OXSR1: variants seen among roughly 807,000 people sequenced by gnomAD.
OXSR1 encodes the protein oxidative stress responsive kinase 1, also known as serine/threonine-protein kinase OSR1.
A neutral mutation model predicts 79.8 loss-of-function variants in OXSR1; 24 were observed. The ratio of observed to expected loss-of-function variants is 0.30; its 90% CI spans 0.22 to 0.42. The LOEUF is 0.42. Among genes scored for constraint, OXSR1 ranks in the 10% least tolerant of loss-of-function variants. The pLI is 1.00. For missense variants in OXSR1, 430 were observed against 618.4 expected (o/e 0.70, Z 3.23); for synonymous variants, 226 against 209.2 (o/e 1.08, Z -0.69).
chr3:38,244,682 A>C (rs1277275433), intron 12 of OXSR1, among the ~76,000 whole-genome samples: 2 of 34,672 alleles, frequency 5.8e-5, no homozygotes, highest in Non-Finnish European at 1.4e-4. Context: ...CGCATGTACC[A>C]CATTTTATTC....
intron 1 of OXSR1, among the ~76,000 whole-genome samples, chr3:38,175,332 G>A (rs1005037538): frequency 6.6e-6 from 1 of 152,018 alleles, no homozygotes; most frequent in Non-Finnish European, 1.5e-5. Flanking sequence ...TTGAGGTGGG[G>A]TCTCGCTCTG....
chr3:38,234,119 A>C (rs764436956), intron 10 of OXSR1, among the ~76,000 whole-genome samples: 1 of 152,198 alleles, frequency 6.6e-6, no homozygotes, highest in Admixed American at 6.5e-5. Flanking sequence ...TTGTTGACCT[A>C]AATATAAGAG....
intron 15 of OXSR1, 53 bp downstream of exon 15, chr3:38,250,071 G>A: frequency 8.6e-7 from 1 of 1,163,374 alleles, no homozygotes; most frequent in South Asian, 1.3e-5. Context: ...GTGATTCAAT[G>A]AAATGTGTTG....
chr3:38,235,989 G>A (rs1487899790), intron 10 of OXSR1, among the ~76,000 whole-genome samples: 4 of 152,140 alleles, frequency 2.6e-5, no homozygotes, highest in East Asian at 1.9e-4. Flanking sequence ...CAGATCAGGA[G>A]GTTCTGGTGA....
chr3:38,195,166 G>A (rs186901863), intron 3 of OXSR1, among the ~76,000 whole-genome samples: 2 of 152,220 alleles, frequency 1.3e-5, no homozygotes, highest in Admixed American at 1.3e-4. Context: ...GCACTAAACT[G>A]CAAATGTAAG....
Position 38,165,558 on chromosome 3 carries a change from T to G in OXSR1, c.-319T>G. On this transcript the variant is annotated 5_prime_UTR_variant, in exon 1 of 18. Transcript: ENST00000311806. The stretch of plus-strand genomic sequence containing the variant: ...GTTTGGCCCGTGCGTGGGGCTGGGG[T>G]GGAGGGCGGGACAGAGGGGCTGGGC... The G allele has an allele frequency of 4.7e-5, 15 of 318,440 alleles. No homozygotes were observed. The highest frequency in any genetic ancestry group is 2.1e-4 in the South Asian group (4 of 18,992). The allele number at this position is 318,440 out of a possible 1,614,324, so 19.7% of individuals were successfully genotyped here.
intron 11 of OXSR1, 89 bp from the exon 12 acceptor site, chr3:38,242,654 A>G: frequency 4.4e-6 from 3 of 677,584 alleles, no homozygotes; most frequent in Non-Finnish European, 7.7e-6. Flanking sequence ...AATGGAGTTG[A>G]TTTGCATTTA....
intron 4 of OXSR1, among the ~76,000 whole-genome samples, chr3:38,208,015 T>TC (rs1483982559): frequency 6.6e-6 from 1 of 150,650 alleles, no homozygotes; most frequent in East Asian, 2.0e-4. Context: ...GGCACTTTTT[T>TC]CCCACAAGAT....
intron 17 of OXSR1, 76 bp downstream of exon 17, chr3:38,252,468 C>T (rs1703278150): frequency 1.1e-6 from 1 of 931,638 alleles, no homozygotes; most frequent in South Asian, 1.3e-5. Flanking sequence ...GCTTCTATAT[C>T]CCCTGAGTGA....
intron 14 of OXSR1, among the ~76,000 whole-genome samples, 155 bp downstream of exon 14, chr3:38,247,887 T>C (rs1288909760): frequency 1.3e-5 from 2 of 152,190 alleles, no homozygotes; most frequent in Non-Finnish European, 2.9e-5. Context: ...CCAGAAATAA[T>C]AGCAACAGTG....
chr3:38,213,312 C>T (rs1045351271), intron 4 of OXSR1, among the ~76,000 whole-genome samples: 1 of 152,120 alleles, frequency 6.6e-6, no homozygotes. Context: ...TCCCCTGACA[C>T]CAATCTAACC....
chr3:38,225,375 C>CAT (rs1702670140), intron 8 of OXSR1, among the ~76,000 whole-genome samples: 1 of 152,184 alleles, frequency 6.6e-6, no homozygotes, highest in Admixed American at 6.5e-5. Flanking sequence ...GTCTGTTTCA[C>CAT]ATATATATTC....
At chr3:38,238,418 G>A (rs565103717) in intron 11 of OXSR1, among the ~76,000 whole-genome samples, 11 of 151,826 alleles carry the variant, frequency 7.2e-5, no homozygotes, top group South Asian at 4.2e-4. Flanking sequence ...ACAAAATTCC[G>A]CCCATATTCA....
chr3:38,235,527 G>C (rs1045349893), intron 10 of OXSR1, among the ~76,000 whole-genome samples: 3 of 152,140 alleles, frequency 2.0e-5, no homozygotes, highest in Non-Finnish European at 2.9e-5. Context: ...TGGATGGTCA[G>C]GAATTTCCAG....
intron 1 of OXSR1, among the ~76,000 whole-genome samples, chr3:38,178,620 A>ATATATTTTT (rs1265646743): frequency 9.5e-5 from 9 of 95,126 alleles, no homozygotes; most frequent in African/African-American, 3.6e-4. Flanking sequence ...ATATATATAT[A>ATATATTTTT]TTTTTTTTTT....
intron 12 of OXSR1, among the ~76,000 whole-genome samples, chr3:38,244,637 C>CTCTGTGTGTG (rs375165998): frequency 1.2e-4 from 12 of 99,400 alleles, no homozygotes; most frequent in Admixed American, 2.9e-4. Context: ...TAATATTCCT[C>CTCTGTGTGTG]TGTGTGTGTG....
At chr3:38,220,233 A>G (rs868728655) in intron 5 of OXSR1, among the ~76,000 whole-genome samples, 2 of 152,274 alleles carry the variant, frequency 1.3e-5, no homozygotes, top group African/African-American at 4.8e-5. Flanking sequence ...TATTTCAAAT[A>G]ATTGTTTGAA....
intron 11 of OXSR1, among the ~76,000 whole-genome samples, chr3:38,238,633 C>T (rs1702966160): frequency 6.6e-6 from 1 of 152,032 alleles, no homozygotes; most frequent in Admixed American, 6.6e-5. Flanking sequence ...GATGTTTCTT[C>T]ACCATCTTCT....
At chr3:38,168,699 A>T (rs751198577) in intron 1 of OXSR1, among the ~76,000 whole-genome samples, 27 of 152,206 alleles carry the variant, frequency 1.8e-4, no homozygotes, top group Non-Finnish European at 2.9e-4. Context: ...GCCCCAGGCA[A>T]TCACAAATAT....
Sources: gnomAD v4.1 joint callset for allele counts (sites outside exome capture counted in the v4.1 genomes callset) on GRCh38, gnomAD v4.1.1 for gene constraint, MANE v1.5 for transcripts, NCBI Gene and HGNC (gene_info 2026-07-23, HGNC 2026-07-21) for gene names.